SORCS2: variants seen among roughly 807,000 people sequenced by gnomAD.
SORCS2 encodes sortilin related VPS10 domain containing receptor 2, also known as VPS10 domain-containing receptor SorCS2.
In SORCS2, 100 loss-of-function variants were observed where a neutral mutation model predicts 141.6. That is an observed-to-expected ratio of 0.71 (90% CI 0.60 to 0.83). SORCS2 has a LOEUF of 0.83. Ranked by LOEUF, SORCS2 falls within the 40% of genes least tolerant of loss-of-function variation. The pLI is 0.00. For missense variants in SORCS2, 1,646 were observed against 1,560.2 expected, an observed-to-expected ratio of 1.05 and a Z score of -0.93; for synonymous variants, 789 against 676.9, an observed-to-expected ratio of 1.17 and a Z score of -2.57.
chr4:7,708,567 G>A (rs1302285190), intron 14 of SORCS2, among the ~76,000 whole-genome samples: 2 of 152,164 alleles, frequency 1.3e-5, no homozygotes, highest in Non-Finnish European at 2.9e-5. Flanking sequence ...AGAACAGTGA[G>A]CCCCTTCCCC....
intron 1 of SORCS2, among the ~76,000 whole-genome samples, chr4:7,302,884 T>A (rs1717536684): frequency 1.3e-5 from 2 of 152,046 alleles, no homozygotes; most frequent in South Asian, 4.2e-4. Flanking sequence ...TAAACAAGAA[T>A]ATCATCTAAT....
intron 10 of SORCS2, among the ~76,000 whole-genome samples, chr4:7,683,205 C>A (rs147887300): frequency 6.6e-6 from 1 of 151,928 alleles, no homozygotes; most frequent in Admixed American, 6.6e-5. Context: ...CTTGTCTGGG[C>A]TGAGCTGGGC....
At chr4:7,378,300 AC>A (rs1722779782) in intron 1 of SORCS2, among the ~76,000 whole-genome samples, 1 of 152,052 alleles carries the variant, frequency 6.6e-6, no homozygotes, top group South Asian at 2.1e-4. Flanking sequence ...AATTTAAGGC[AC>A]CTTTTTGGGG....
At position 7,218,508 on chromosome 4, in the gene SORCS2, CCT is replaced by C. The variant is rs1728509517; in HGVS notation, c.480+25388_480+25389del. ...TTGGCTTTAGCCCACTGAAATAATT[CCT>C]CTCTCAAGAGATTAAAGGCATTTAA... On this transcript the variant is annotated intron_variant, in intron 1 of 26. Coordinates refer to ENST00000507866, the MANE Select transcript of SORCS2 (RefSeq NM_020777.3). Among the ~76,000 whole-genome samples the C allele has an allele frequency of 5.9e-5, 9 of 152,286 alleles. No homozygotes were observed. In the South Asian group the frequency reaches 1.9e-3, roughly 32 times the overall value.
intron 2 of SORCS2, among the ~76,000 whole-genome samples, chr4:7,420,710 G>C (rs188988392): frequency 1.3e-5 from 2 of 152,134 alleles, no homozygotes; most frequent in Non-Finnish European, 2.9e-5. Context: ...TAGGGCAGTG[G>C]CAGTCACATA....
chr4:7,640,017 G>A (rs1360895076), intron 4 of SORCS2, among the ~76,000 whole-genome samples: 1 of 150,520 alleles, frequency 6.6e-6, no homozygotes, highest in African/African-American at 2.4e-5. Context: ...GCATGTCTGT[G>A]GGAGTGTGTA....
At chr4:7,245,147 C>T (rs1156703653) in intron 1 of SORCS2, among the ~76,000 whole-genome samples, 4 of 152,206 alleles carry the variant, frequency 2.6e-5, no homozygotes, top group African/African-American at 9.6e-5. Context: ...CCCCTTCCCC[C>T]TGGAAGCTGC....
intron 1 of SORCS2, among the ~76,000 whole-genome samples, chr4:7,246,927 C>T (rs1560138031): frequency 6.6e-6 from 1 of 152,254 alleles, no homozygotes; most frequent in East Asian, 1.9e-4. Flanking sequence ...TCCGTCCAGG[C>T]TCTACCCGCT....
At chr4:7,635,369 T>G (rs1468757046) in intron 3 of SORCS2, among the ~76,000 whole-genome samples, 9 of 152,168 alleles carry the variant, frequency 5.9e-5, no homozygotes, top group Non-Finnish European at 1.3e-4. Context: ...TCTGCAACTT[T>G]TCTGTAAATC....
chr4:7,570,927 G>A (rs1715348361), intron 3 of SORCS2, among the ~76,000 whole-genome samples: 1 of 152,158 alleles, frequency 6.6e-6, no homozygotes. Context: ...TCTCCTGGCT[G>A]TTGGCTTTGC....
chr4:7,729,685 A>G lies in SORCS2; in HGVS notation c.3081A>G (p.Thr1027=). The part of the protein sequence containing the change: ...LYVLLPPPRP[T]RKRSLSSDKR... ...TGCTCCTGCCCCCTCCCAGGCCCAC[A>G]AGGAAGAGGAGCCTCTCGAGTGATA... The change falls in exon 23 of 27, where the codon ACA becomes ACG. Residue 1027 remains threonine (T), a synonymous_variant. Coordinates refer to ENST00000507866, the MANE Select transcript of SORCS2 (RefSeq NM_020777.3). The G allele has an allele frequency of 6.2e-7, 1 of 1,610,360 alleles. No homozygotes were observed. The highest frequency in any genetic ancestry group is 8.5e-7 in the Non-Finnish European group (1 of 1,178,516).
At chr4:7,597,667 A>G (rs931313746) in intron 3 of SORCS2, among the ~76,000 whole-genome samples, 2 of 145,350 alleles carry the variant, frequency 1.4e-5, no homozygotes, top group Non-Finnish European at 3.0e-5. Context: ...GGGCTCTGCC[A>G]TAGAGGGAGG....
intron 12 of SORCS2, among the ~76,000 whole-genome samples, chr4:7,700,449 A>G (rs1281728312): frequency 1.3e-5 from 2 of 152,158 alleles, no homozygotes; most frequent in African/African-American, 4.8e-5. Context: ...CTATGCTGGC[A>G]TCCCCAACAG....
intron 2 of SORCS2, among the ~76,000 whole-genome samples, chr4:7,471,984 G>A (rs867434534): frequency 6.6e-6 from 1 of 152,228 alleles, no homozygotes; most frequent in Non-Finnish European, 1.5e-5. Context: ...GAAAGGCCCA[G>A]GACCCGATTC....
chr4:7,699,540 C>T (rs1434506728), intron 12 of SORCS2, among the ~76,000 whole-genome samples: 2 of 152,124 alleles, frequency 1.3e-5, no homozygotes, highest in Admixed American at 1.3e-4. Flanking sequence ...GGGAAGCCCA[C>T]TCTCCTCTCA....
chr4:7,348,852 C>T (rs116486576), intron 1 of SORCS2, among the ~76,000 whole-genome samples: 2 of 152,140 alleles, frequency 1.3e-5, no homozygotes, highest in Admixed American at 6.5e-5. Flanking sequence ...TGCACCAGGC[C>T]GAATCTTGTG....
At chr4:7,471,248 G>A (rs527580650) in intron 2 of SORCS2, among the ~76,000 whole-genome samples, 19 of 152,264 alleles carry the variant, frequency 1.2e-4, no homozygotes, top group African/African-American at 4.6e-4. Flanking sequence ...CTCCTGCCTC[G>A]CGCAATGCCA....
At chr4:7,710,705 A>T in intron 14 of SORCS2, among the ~76,000 whole-genome samples, 1 of 152,040 alleles carries the variant, frequency 6.6e-6, no homozygotes, top group South Asian at 2.1e-4. Context: ...AGCCAAGACC[A>T]CTCACAGCCG....
intron 7 of SORCS2, among the ~76,000 whole-genome samples, chr4:7,666,827 A>G (rs1220452726): frequency 4.6e-5 from 7 of 152,060 alleles, no homozygotes; most frequent in Non-Finnish European, 8.8e-5. Context: ...CTCCTTCTCC[A>G]TCGGAACTTT....
Sources: gnomAD v4.1 joint callset for allele counts (sites outside exome capture counted in the v4.1 genomes callset) on GRCh38, gnomAD v4.1.1 for gene constraint, MANE v1.5 for transcripts, NCBI Gene and HGNC (gene_info 2026-07-23, HGNC 2026-07-21) for gene names.